CDC14B: variants seen among roughly 807,000 people sequenced by gnomAD.
CDC14B encodes dual specificity protein phosphatase CDC14B.
CDC14B carries 22 observed loss-of-function variants against 64.2 expected under a neutral mutation model. The ratio of observed to expected loss-of-function variants is 0.34; its 90% CI spans 0.24 to 0.49. The LOEUF (loss-of-function observed/expected upper bound fraction) is 0.49, where lower values mean the gene tolerates loss of function less well. Among genes scored for constraint, CDC14B ranks in the 20% least tolerant of loss-of-function variants. The pLI is 0.99. For missense variants in CDC14B, 498 were observed against 629.9 expected (o/e 0.79, Z 2.24); for synonymous variants, 191 against 215.8 (o/e 0.89, Z 1.01).
chr9:96,604,223 T>C (rs1388258972), intron 1 of CDC14B, among the ~76,000 whole-genome samples: 1 of 152,156 alleles, frequency 6.6e-6, no homozygotes, highest in African/African-American at 2.4e-5. Context: ...ACTTCCAAGC[T>C]ACAGTGATGT....
chr9:96,533,926 C>A lies in CDC14B; in HGVS notation c.946+1G>T. Reference sequence around the variant, plus strand: ...TTCTTTAACCACCCCTAGAAACATACCTTTGCAATGTACTGCAATGGCACC... The same window carrying A: ...TTCTTTAACCACCCCTAGAAACATAACTTTGCAATGTACTGCAATGGCACC... On this transcript the variant is annotated splice_donor_variant, in intron 9 of 13. Transcript: ENST00000375241. LOFTEE classifies it high-confidence loss of function. The A allele has an allele frequency of 1.3e-6, 2 of 1,598,666 alleles. No individual in the cohort carries two copies. The highest frequency in any genetic ancestry group is 1.7e-6 in the Non-Finnish European group (2 of 1,168,906).
intron 12 of CDC14B, among the ~76,000 whole-genome samples, chr9:96,517,831 G>GTTTTTTTTTTTTTTTTTT (rs893654975): frequency 4.9e-5 from 7 of 143,804 alleles, no homozygotes; most frequent in African/African-American, 1.5e-4. Context: ...ACCATGCCCA[G>GTTTTTTTTTTTTTTTTTT]TTTTTTTTTT....
intron 1 of CDC14B, among the ~76,000 whole-genome samples, chr9:96,597,849 A>C (rs1846188061): frequency 6.6e-6 from 1 of 152,190 alleles, no homozygotes. Flanking sequence ...CAAAATTAAC[A>C]AAAGTAACAG....
chr9:96,616,687 GC>G (rs1311980544), intron 1 of CDC14B, among the ~76,000 whole-genome samples: 4 of 150,554 alleles, frequency 2.7e-5, no homozygotes, highest in African/African-American at 9.8e-5. Context: ...TTGAGCCACT[GC>G]ACACCAGCCT....
chr9:96,566,741 G>A (rs1358323449), intron 1 of CDC14B: 4 of 1,595,586 alleles, frequency 2.5e-6, no homozygotes, highest in African/African-American at 2.7e-5. Context: ...GGAGCCCCCA[G>A]GGGAAGCCCC....
intron 4 of CDC14B, among the ~76,000 whole-genome samples, chr9:96,561,847 G>A (rs1203595603): frequency 1.3e-5 from 2 of 151,880 alleles, no homozygotes; most frequent in Non-Finnish European, 2.9e-5. Context: ...GTGGGGTGGG[G>A]GTGGAAGAAA....
At chr9:96,505,760 C>T (rs971217267) in intron 13 of CDC14B, among the ~76,000 whole-genome samples, 2 of 152,190 alleles carry the variant, frequency 1.3e-5, no homozygotes, top group Non-Finnish European at 2.9e-5. Flanking sequence ...CTGGCAGGAC[C>T]GAGGGCCACA....
chr9:96,507,468 T>C (rs866331800), intron 13 of CDC14B, among the ~76,000 whole-genome samples: 1 of 151,094 alleles, frequency 6.6e-6, no homozygotes, highest in South Asian at 2.1e-4. Context: ...CAGGCTAGAG[T>C]GCAATGGCGC....
chr9:96,558,038 T>C (rs1276804686), intron 4 of CDC14B, among the ~76,000 whole-genome samples: 1 of 152,204 alleles, frequency 6.6e-6, no homozygotes, highest in African/African-American at 2.4e-5. Flanking sequence ...GGCAGGAAGA[T>C]GTAACCAAAG....
At chr9:96,520,185 C>T (rs1282279944) in intron 12 of CDC14B, among the ~76,000 whole-genome samples, 1 of 152,180 alleles carries the variant, frequency 6.6e-6, no homozygotes, top group Non-Finnish European at 1.5e-5. Flanking sequence ...GGTCTATACA[C>T]ATAACTCAGA....
intron 12 of CDC14B, among the ~76,000 whole-genome samples, chr9:96,517,758 T>G (rs1835964069): frequency 1.3e-5 from 2 of 150,934 alleles, no homozygotes; most frequent in African/African-American, 4.9e-5. Context: ...CTCCAACTCC[T>G]AGGCACAAGC....
intron 1 of CDC14B, among the ~76,000 whole-genome samples, chr9:96,575,547 T>C (rs1387573732): frequency 2.0e-5 from 3 of 152,032 alleles, no homozygotes; most frequent in South Asian, 2.1e-4. Context: ...AAAATGACAC[T>C]AAGAAAATTG....
exon 14 of CDC14B, chr9:96,491,883 C>G (rs1833102964): frequency 6.6e-6 from 1 of 152,292 alleles, no homozygotes; most frequent in Non-Finnish European, 1.5e-5. Context: ...CTCTCGCTGA[C>G]TTGGTCGTGT....
chr9:96,545,500 A>G (rs1484482359), intron 5 of CDC14B, among the ~76,000 whole-genome samples: 1 of 151,920 alleles, frequency 6.6e-6, no homozygotes, highest in African/African-American at 2.4e-5. Flanking sequence ...TTGTATTTTC[A>G]GTAGAGATGG....
intron 1 of CDC14B, among the ~76,000 whole-genome samples, chr9:96,575,385 C>T (rs1844741293): frequency 6.6e-6 from 1 of 152,194 alleles, no homozygotes; most frequent in Non-Finnish European, 1.5e-5. Flanking sequence ...AAAAAGTAAT[C>T]TTATCTACAG....
intron 13 of CDC14B, among the ~76,000 whole-genome samples, chr9:96,505,989 GC>G (rs1834069548): frequency 2.0e-5 from 3 of 152,196 alleles, no homozygotes; most frequent in Admixed American, 1.3e-4. Context: ...AAGCTGAAGA[GC>G]CTCTCAGTAA....
chr9:96,592,264 G>A (rs1246673087), intron 1 of CDC14B, among the ~76,000 whole-genome samples: 1 of 152,044 alleles, frequency 6.6e-6, no homozygotes, highest in African/African-American at 2.4e-5. Context: ...TTTTTGTAGA[G>A]ACACGGTCTC....
intron 13 of CDC14B, among the ~76,000 whole-genome samples, chr9:96,494,895 C>T (rs528166874): frequency 1.2e-3 from 177 of 149,464 alleles, no homozygotes; most frequent in Non-Finnish European, 1.9e-3. Context: ...AGTGCAGTGG[C>T]GCGATCTCGG....
At chr9:96,547,341 C>A (rs1292559454) in intron 5 of CDC14B, among the ~76,000 whole-genome samples, 9 of 151,832 alleles carry the variant, frequency 5.9e-5, no homozygotes, top group Admixed American at 5.9e-4. Flanking sequence ...TGGCGGGCAC[C>A]TGTAATCCCA....
Sources: allele counts gnomAD v4.1 joint callset (sites outside exome capture counted in the v4.1 genomes callset), GRCh38; gene constraint gnomAD v4.1.1; transcripts MANE v1.5; gene names NCBI Gene and HGNC (gene_info 2026-07-23, HGNC 2026-07-21).